Variants in FOXO3 observed in about 807,000 individuals in gnomAD.
FOXO3 encodes forkhead box O3, also known as forkhead box protein O3.
A neutral mutation model predicts 41.9 loss-of-function variants in FOXO3; 4 were observed. The observed-to-expected ratio is 0.10, with a 90% CI of 0.05 to 0.22. The LOEUF (loss-of-function observed/expected upper bound fraction) is 0.22. Ranked by LOEUF, FOXO3 falls within the 10% of genes least tolerant of loss-of-function variation. The pLI, the probability that FOXO3 is intolerant of heterozygous loss-of-function variation, is 1.00. For missense variants in FOXO3, 534 were observed against 906.8 expected, an observed-to-expected ratio of 0.59 and a Z score of 5.28; for synonymous variants, 318 against 389.3, an observed-to-expected ratio of 0.82 and a Z score of 2.16.
intron 1 of FOXO3, among the ~76,000 whole-genome samples, chr6:108,630,352 TTAGG>T (rs1216632150): frequency 6.6e-6 from 1 of 151,884 alleles, no homozygotes; most frequent in Non-Finnish European, 1.5e-5. Flanking sequence ...AGAGAGGGTG[TTAGG>T]TAGGAGTAGA....
intron 2 of FOXO3, among the ~76,000 whole-genome samples, chr6:108,674,579 A>G (rs538114476): frequency 6.6e-6 from 1 of 152,320 alleles, no homozygotes; most frequent in South Asian, 2.1e-4. Context: ...TAGGTGAGTG[A>G]CTTAAGAATT....
intron 1 of FOXO3, among the ~76,000 whole-genome samples, chr6:108,585,690 C>T (rs1776562071): frequency 6.6e-6 from 1 of 152,156 alleles, no homozygotes; most frequent in South Asian, 2.1e-4. Context: ...CTTTTACCTC[C>T]CATTAGAGTG....
chr6:108,642,728 A>G (rs1778292679), intron 1 of FOXO3, among the ~76,000 whole-genome samples: 1 of 152,182 alleles, frequency 6.6e-6, no homozygotes, highest in Non-Finnish European at 1.5e-5. Context: ...AAAAATCAGA[A>G]TGATGTGTGT....
intron 1 of FOXO3, among the ~76,000 whole-genome samples, chr6:108,655,972 T>C (rs1778672587): frequency 6.6e-6 from 1 of 152,162 alleles, no homozygotes; most frequent in Admixed American, 6.5e-5. Context: ...GAGCACTGTA[T>C]TGAAAGACAG....
At chr6:108,567,637 C>T (rs748050634) in intron 1 of FOXO3, among the ~76,000 whole-genome samples, 6 of 152,278 alleles carry the variant, frequency 3.9e-5, no homozygotes, top group Non-Finnish European at 7.4e-5. Flanking sequence ...CCAGTCAGTG[C>T]AGTGGTTCAT....
intron 1 of FOXO3, among the ~76,000 whole-genome samples, chr6:108,627,190 C>T (rs1314296255): frequency 6.6e-6 from 1 of 152,192 alleles, no homozygotes; most frequent in Admixed American, 6.5e-5. Context: ...AGTCTGCCCT[C>T]ACATATCCCT....
chr6:108,673,254 C>T (rs2128391031), intron 2 of FOXO3, among the ~76,000 whole-genome samples: 1 of 152,310 alleles, frequency 6.6e-6, no homozygotes, highest in South Asian at 2.1e-4. Flanking sequence ...TGGGGTGCCC[C>T]ATGGGAGGCA....
intron 1 of FOXO3, among the ~76,000 whole-genome samples, chr6:108,596,400 AAAAAAAG>A (rs1187045594): frequency 5.9e-5 from 9 of 151,796 alleles, no homozygotes; most frequent in African/African-American, 2.2e-4. Context: ...AAAAAAAAAA[AAAAAAAG>A]TTCAAAGTAA....
intron 1 of FOXO3, among the ~76,000 whole-genome samples, chr6:108,599,147 GTTA>G (rs1337845149): frequency 6.6e-6 from 1 of 152,056 alleles, no homozygotes; most frequent in Non-Finnish European, 1.5e-5. Flanking sequence ...CTTTCACTCT[GTTA>G]TTATTCCTGT....
At chr6:108,653,123 A>G (rs1458654534) in intron 1 of FOXO3, among the ~76,000 whole-genome samples, 2 of 152,208 alleles carry the variant, frequency 1.3e-5, no homozygotes, top group African/African-American at 4.8e-5. Flanking sequence ...AACAACCTAG[A>G]TGCTACTTCA....
chr6:108,590,569 T>A (rs539811700), intron 1 of FOXO3, among the ~76,000 whole-genome samples: 2 of 152,334 alleles, frequency 1.3e-5, no homozygotes, highest in East Asian at 3.9e-4. Context: ...TAAGATATTT[T>A]ATTATGTATA....
intron 2 of FOXO3, among the ~76,000 whole-genome samples, chr6:108,668,356 T>C (rs964180560): frequency 2.0e-5 from 3 of 152,138 alleles, no homozygotes; most frequent in Non-Finnish European, 2.9e-5. Flanking sequence ...AAAGAAAAAA[T>C]AGCCATACTT....
chr6:108,646,561 T>G (rs998039500), intron 1 of FOXO3, among the ~76,000 whole-genome samples: 4 of 152,250 alleles, frequency 2.6e-5, no homozygotes, highest in Non-Finnish European at 5.9e-5. Context: ...GTATAACTTC[T>G]AATAGAACTT....
chr6:108,582,680 CTT>C (rs1776452854), intron 1 of FOXO3, among the ~76,000 whole-genome samples: 2 of 151,248 alleles, frequency 1.3e-5, no homozygotes, highest in Admixed American at 6.6e-5. Context: ...TTAGGGCAGA[CTT>C]TGAGTATTTT....
chr6:108,623,298 G>A (rs1461109766), intron 1 of FOXO3, among the ~76,000 whole-genome samples: 1 of 152,210 alleles, frequency 6.6e-6, no homozygotes, highest in Non-Finnish European at 1.5e-5. Flanking sequence ...TTGGTGAGTG[G>A]ATAGGAGTTA....
intron 1 of FOXO3, among the ~76,000 whole-genome samples, chr6:108,584,997 C>T (rs12206094): frequency 0.31 from 43,256 of 141,584 alleles, 6,542 homozygotes; most frequent in Middle Eastern, 0.37. Context: ...CTTGCTTTGC[C>T]ACCAAGAATT....
chr6:108,579,972 A>G (rs1024900836), intron 1 of FOXO3, among the ~76,000 whole-genome samples: 2 of 152,054 alleles, frequency 1.3e-5, no homozygotes, highest in African/African-American at 4.8e-5. Flanking sequence ...TACAGAGTTG[A>G]AGTTTGAAAA....
intron 1 of FOXO3, among the ~76,000 whole-genome samples, chr6:108,629,237 C>T (rs1777894507): frequency 6.6e-6 from 1 of 152,172 alleles, no homozygotes. Context: ...AGACAGCATT[C>T]TTAAGAGAGA....
At chr6:108,648,569 C>T (rs1462887443) in intron 1 of FOXO3, among the ~76,000 whole-genome samples, 1 of 152,176 alleles carries the variant, frequency 6.6e-6, no homozygotes. Flanking sequence ...GTTTCTCATC[C>T]TATTATCTTG....
Sources: allele counts gnomAD v4.1 joint callset (sites outside exome capture counted in the v4.1 genomes callset), GRCh38; gene constraint gnomAD v4.1.1; transcripts MANE v1.5; gene names NCBI Gene and HGNC (gene_info 2026-07-23, HGNC 2026-07-21).